Variants in JAK2 observed in about 807,000 individuals in gnomAD.
JAK2 encodes the protein tyrosine-protein kinase JAK2.
JAK2 carries 86 observed loss-of-function variants against 139.3 expected under a neutral mutation model. The ratio of observed to expected loss-of-function variants is 0.62; its 90% CI spans 0.52 to 0.74. The LOEUF (loss-of-function observed/expected upper bound fraction) is 0.74. Among genes scored for constraint, JAK2 ranks in the 30% least tolerant of loss-of-function variants. The pLI is 0.00. For synonymous variants in JAK2, 490 were observed against 437.7 expected (o/e 1.12, Z -1.49); for missense variants, 1,421 against 1,360.3 (o/e 1.04, Z -0.70).
Position 5,054,251 on chromosome 9 carries a change from T to C in JAK2, c.615-312T>C, listed in dbSNP as rs1160201329. ...AAACCATTAACTCTGGTATGTGAAA[T>C]AGAGAAAAGGAATTTTTAGAGATTC... On this transcript the variant is annotated intron_variant, in intron 6 of 24. Coordinates refer to ENST00000381652, the MANE Select transcript of JAK2 (RefSeq NM_004972.4). The surrounding 1 kb of genome is among the most constrained non-coding windows in gnomAD (Gnocchi z 4.9). Among the ~76,000 whole-genome samples the C allele has an allele frequency of 6.6e-6, 1 of 152,016 alleles. No individual in the cohort carries two copies. Among genetic ancestry groups the C allele is most frequent in the African/African-American group, 2.4e-5 (1 of 41,418 alleles).
At chr9:5,057,285 T>C (rs993991466) in intron 8 of JAK2, among the ~76,000 whole-genome samples, 3 of 152,140 alleles carry the variant, frequency 2.0e-5, no homozygotes, top group African/African-American at 7.2e-5. Flanking sequence ...GAAAGTAATT[T>C]TTGCTTATTA....
In JAK2 at chr9:5,090,160, G is replaced by C. The variant is rs976920661; in HGVS notation, c.2762-286G>C. On this transcript the variant is annotated intron_variant, in intron 20 of 24. Coordinates refer to ENST00000381652, the MANE Select transcript of JAK2 (RefSeq NM_004972.4). ...AATATTTTTGAATTCAATGTTTTTT[G>C]TTCGATATCAATGAGGAGAAAGGAA... 3.3e-5 allele frequency among the ~76,000 whole-genome samples: 5 copies of C among 151,982 alleles called. No individual in the cohort carries two copies. In the South Asian group the frequency reaches 1.0e-3, roughly 32 times the overall value.
chr9:5,068,234 G>A (rs1309228611), intron 10 of JAK2, among the ~76,000 whole-genome samples: 1 of 151,642 alleles, frequency 6.6e-6, no homozygotes, highest in East Asian at 1.9e-4. Flanking sequence ...TGACCTTGAG[G>A]TATTGGTAGA....
chr9:5,099,893 T>C (rs1586792566), intron 22 of JAK2: 1 of 152,216 alleles, frequency 6.6e-6, no homozygotes, highest in African/African-American at 2.4e-5. Context: ...GCAGGCGCAG[T>C]AATTACAGTC....
chr9:5,046,993 G>C (rs1158904751), intron 5 of JAK2, among the ~76,000 whole-genome samples: 1 of 151,716 alleles, frequency 6.6e-6, no homozygotes, highest in Middle Eastern at 3.2e-3. Context: ...AAAAATTTTG[G>C]GTGATTTCAG....
chr9:5,066,533 C>A (rs1011217801), intron 9 of JAK2, 145 bp from the exon 10 acceptor site: 4 of 532,702 alleles, frequency 7.5e-6, no homozygotes, highest in Non-Finnish European at 1.3e-5. Flanking sequence ...TGATTTTTTC[C>A]TTTGAAAGAT....
Position 5,067,301 on chromosome 9 carries a change from C to T in JAK2, c.1326+512C>T, listed in dbSNP as rs10815150. On this transcript the variant is annotated intron_variant, in intron 10 of 24. Transcript: ENST00000381652. ...TAGTGGTCTACAATGCATGTTTCAACGGTAAAACTGCAATGAAACCCCACT... is the reference window on the plus strand; with the variant it reads ...TAGTGGTCTACAATGCATGTTTCAATGGTAAAACTGCAATGAAACCCCACT... Among the ~76,000 whole-genome samples, 6 of 151,856 alleles carry T rather than the reference C, an allele frequency of 4.0e-5. No homozygotes were observed. The East Asian group carries it at 5.8e-4, about 15-fold the overall frequency.
intron 2 of JAK2, among the ~76,000 whole-genome samples, chr9:5,012,691 A>C (rs1821779491): frequency 6.6e-6 from 1 of 152,358 alleles, no homozygotes; most frequent in Non-Finnish European, 1.5e-5. Context: ...CTACCTGCTA[A>C]GAATAGATCG....
intron 3 of JAK2, among the ~76,000 whole-genome samples, chr9:5,028,530 T>A (rs1196818750): frequency 6.6e-6 from 1 of 152,226 alleles, no homozygotes; most frequent in Non-Finnish European, 1.5e-5. Context: ...TTCAGTTCTT[T>A]GAAACTTTGA....
rs145788142 is a variant in JAK2 at position 5,076,421 on chromosome 9, G to A, written c.1865-1032G>A. Among the ~76,000 whole-genome samples, 4 of 152,274 alleles carry A rather than the reference G, an allele frequency of 2.6e-5. No homozygotes were observed. In the East Asian group the frequency reaches 7.7e-4, roughly 29 times the overall value. Reference sequence around the variant, plus strand: ...CTTTAAGCAGCCACCACCATGATCAGTCAGCAGCGATTAACATCAAGCAAA... The same window carrying A: ...CTTTAAGCAGCCACCACCATGATCAATCAGCAGCGATTAACATCAAGCAAA... On this transcript the variant is annotated intron_variant, in intron 14 of 24. Transcript: ENST00000381652.
chr9:5,006,528 A>G (rs1821313453), intron 2 of JAK2, among the ~76,000 whole-genome samples: 1 of 152,212 alleles, frequency 6.6e-6, no homozygotes, highest in African/African-American at 2.4e-5. Context: ...TAATTGACTC[A>G]TGGTTCCATA....
Position 5,024,397 on chromosome 9 carries a change from A to T in JAK2, c.226+2184A>T, listed in dbSNP as rs558190302. Among the ~76,000 whole-genome samples, 9 of 152,268 alleles carry T rather than the reference A, an allele frequency of 5.9e-5. No homozygotes were observed. In the East Asian group the frequency reaches 1.7e-3, roughly 29 times the overall value. On this transcript the variant is annotated intron_variant, in intron 3 of 24. Coordinates refer to ENST00000381652, the MANE Select transcript of JAK2 (RefSeq NM_004972.4). ...ATAGAAAAGAACAAAAAACTCTTTC[A>T]GTCTTTGCAGATTGGCTCTGTGTTG...
chr9:5,069,138 C>T lies in JAK2; in HGVS notation c.1443C>T (p.Tyr481=), dbSNP rs1270788238. The change falls in exon 11 of 25, where the codon TAC becomes TAT. Residue 481 remains tyrosine (Y), a synonymous_variant. Transcript: ENST00000381652. ...FSSLKDLLNC[Y]QMETVRSDNI... ...GTCTTAAAGATCTTTTGAATTGTTACCAGATGGAAACTGTTCGCTCAGACA... is the reference window on the plus strand; with the variant it reads ...GTCTTAAAGATCTTTTGAATTGTTATCAGATGGAAACTGTTCGCTCAGACA... The T allele has an allele frequency of 6.2e-7, 1 of 1,612,972 alleles. No homozygotes were observed. Among genetic ancestry groups the T allele is most frequent in the South Asian group, 1.1e-5 (1 of 91,020 alleles).
At chr9:5,108,051 C>G (rs1822117084) in intron 22 of JAK2, 1 of 152,056 alleles carries the variant, frequency 6.6e-6, no homozygotes, top group African/African-American at 2.4e-5. Context: ...TGTTTTTTAA[C>G]CAATTCAACA....
At chr9:5,077,875 C>T (rs1321925772) in intron 15 of JAK2, among the ~76,000 whole-genome samples, 1 of 152,134 alleles carries the variant, frequency 6.6e-6, no homozygotes, top group Non-Finnish European at 1.5e-5. Context: ...GAAGTATGTG[C>T]TTCTGTATTT....
At chr9:5,084,457 G>A (rs1483561534) in intron 19 of JAK2, among the ~76,000 whole-genome samples, 4 of 151,958 alleles carry the variant, frequency 2.6e-5, no homozygotes, top group African/African-American at 9.7e-5. Flanking sequence ...TCAATTAGTG[G>A]TATGGTGAAA....
At chr9:5,063,869 A>G (rs1217928610) in intron 8 of JAK2, among the ~76,000 whole-genome samples, 1 of 152,230 alleles carries the variant, frequency 6.6e-6, no homozygotes, top group Non-Finnish European at 1.5e-5. Context: ...GTATTAAGAT[A>G]CAATCAGGCC....
At chr9:4,985,111 G>C (rs1252897960), upstream of JAK2, 1 of 152,342 alleles carries the variant, frequency 6.6e-6, no homozygotes, top group African/African-American at 2.4e-5. Context: ...AGGCCAACCG[G>C]GAGGCTGAGT....
At chr9:5,084,910 A>G (rs1819960857) in intron 19 of JAK2, 1 of 479,330 alleles carries the variant, frequency 2.1e-6, no homozygotes, top group East Asian at 5.2e-5. Context: ...ATTTTTGGTT[A>G]TCTGCACATG....
Sources: gnomAD v4.1 joint callset for allele counts (sites outside exome capture counted in the v4.1 genomes callset) on GRCh38, gnomAD v4.1.1 for gene constraint, Gnocchi (gnomAD v3.1) non-coding constraint, MANE v1.5 for transcripts, NCBI Gene and HGNC (gene_info 2026-07-23, HGNC 2026-07-21) for gene names.